Variants in OPA1 observed in about 807,000 individuals in gnomAD.
OPA1 encodes the protein dynamin-like GTPase OPA1, mitochondrial.
In OPA1, 59 loss-of-function variants were observed where a neutral mutation model predicts 152.9. The ratio of observed to expected loss-of-function variants is 0.39; its 90% CI spans 0.31 to 0.48. OPA1 has a LOEUF of 0.48. OPA1 is among the 20% of genes least tolerant of loss of function. The pLI is 0.96. For synonymous variants in OPA1, 400 were observed against 389.9 expected (o/e 1.03, Z -0.31); for missense variants, 1,008 against 1,216.8 (o/e 0.83, Z 2.55).
At chr3:193,692,897 C>T (rs955726478) in intron 30 of OPA1, among the ~76,000 whole-genome samples, 3 of 152,268 alleles carry the variant, frequency 2.0e-5, no homozygotes, top group African/African-American at 7.2e-5. Flanking sequence ...ACTGGGGCCA[C>T]AGGCTCATGC....
At chr3:193,612,420 C>T (rs1728397322) in intron 1 of OPA1, among the ~76,000 whole-genome samples, 1 of 152,030 alleles carries the variant, frequency 6.6e-6, no homozygotes, top group African/African-American at 2.4e-5. Context: ...TCTTCATGTC[C>T]TTGGTCTGTT....
chr3:193,634,151 G>T (rs918144482), intron 8 of OPA1, among the ~76,000 whole-genome samples: 12 of 151,930 alleles, frequency 7.9e-5, no homozygotes, highest in African/African-American at 2.7e-4. Context: ...TCTGCTGGTT[G>T]TAAGAATGGG....
intron 6 of OPA1, chr3:193,624,251 C>CT (rs1280979089): frequency 1.3e-5 from 2 of 152,118 alleles, no homozygotes; most frequent in African/African-American, 4.8e-5. Flanking sequence ...AGATTGAACT[C>CT]TTTGTTCTAC....
chr3:193,670,385 C>T (rs57235006), intron 29 of OPA1, among the ~76,000 whole-genome samples: 1 of 150,960 alleles, frequency 6.6e-6, no homozygotes, highest in Non-Finnish European at 1.5e-5. Context: ...ACTTCCCCCC[C>T]ACCTTTTTTT....
intron 1 of OPA1, among the ~76,000 whole-genome samples, chr3:193,600,355 A>G (rs1349186364): frequency 1.3e-5 from 2 of 152,232 alleles, no homozygotes; most frequent in Non-Finnish European, 2.9e-5. Context: ...GCAACTTTGT[A>G]CCAGCTAAAT....
chr3:193,667,498 G>T (rs1305705811), intron 29 of OPA1: 1 of 513,636 alleles, frequency 1.9e-6, no homozygotes, highest in East Asian at 4.5e-5. Flanking sequence ...GTGAAACCCC[G>T]TCTCTACTAA....
At chr3:193,610,036 C>T (rs943184478) in intron 1 of OPA1, among the ~76,000 whole-genome samples, 10 of 152,210 alleles carry the variant, frequency 6.6e-5, no homozygotes, top group African/African-American at 9.6e-5. Context: ...TCTCTCAGCT[C>T]GTCAAAGTCA....
intron 25 of OPA1, among the ~76,000 whole-genome samples, 172 bp downstream of exon 25, chr3:193,659,733 G>GA (rs1190017244): frequency 6.6e-6 from 1 of 152,046 alleles, no homozygotes; most frequent in African/African-American, 2.4e-5. Flanking sequence ...AACTACATAA[G>GA]AAAGTTTTTT....
intron 29 of OPA1, among the ~76,000 whole-genome samples, chr3:193,680,115 C>T (rs1483805912): frequency 6.6e-6 from 1 of 152,178 alleles, no homozygotes; most frequent in African/African-American, 2.4e-5. Context: ...GCTTTCATCT[C>T]ACCTAATTCA....
chr3:193,643,322 C>A, intron 13 of OPA1, 51 bp from the exon 14 acceptor site: 1 of 1,462,040 alleles, frequency 6.8e-7, no homozygotes, highest in South Asian at 1.1e-5. Context: ...AAATTCTTGA[C>A]AAATTCCCCC....
intron 21 of OPA1, among the ~76,000 whole-genome samples, chr3:193,649,198 A>T (rs1476225696): frequency 6.6e-6 from 1 of 152,180 alleles, no homozygotes; most frequent in Non-Finnish European, 1.5e-5. Flanking sequence ...AAATTGATTT[A>T]TAAAGGGAGT....
Position 193,658,990 on chromosome 3 carries a change from A to G in OPA1, c.2435A>G (p.Lys812Arg), listed in dbSNP as rs1577304745. The G allele has an allele frequency of 6.8e-6, 11 of 1,608,062 alleles. No individual in the cohort carries two copies. In the East Asian group the frequency reaches 2.5e-4, roughly 36 times the overall value. Residue 812 changes from lysine to arginine, a missense_variant, in exon 24 of 31, where the codon AAG (lysine) becomes AGG (arginine). By Grantham distance (26) the Lys-to-Arg change is conservative (BLOSUM62 2). This residue lies in a region of OPA1 where 229 missense variants were observed against 269.0 expected (regional missense o/e 0.85). Transcript: ENST00000361510. ...FMEEALQARL[K>R]DTENAIENMV... The stretch of plus-strand genomic sequence containing the variant: ...GAAGAGGCTCTGCAGGCTCGTCTCA[A>G]GGATAGTAAGTGGAGACACGGCTTA...
At chr3:193,694,383 ATTC>A (rs1163865131) in intron 30 of OPA1, among the ~76,000 whole-genome samples, 12 of 152,316 alleles carry the variant, frequency 7.9e-5, no homozygotes, top group Middle Eastern at 6.8e-3. Context: ...TCATACACAG[ATTC>A]TTCTTCAATT....
At chr3:193,630,543 T>G (rs998868391) in intron 7 of OPA1, among the ~76,000 whole-genome samples, 1 of 152,130 alleles carries the variant, frequency 6.6e-6, no homozygotes, top group Non-Finnish European at 1.5e-5. Flanking sequence ...CATTTAAAAA[T>G]TTTTCATGTA....
intron 9 of OPA1, among the ~76,000 whole-genome samples, chr3:193,636,356 T>C (rs1019719254): frequency 1.4e-4 from 9 of 64,528 alleles, no homozygotes; most frequent in African/African-American, 4.9e-4. Context: ...GTATTTTCTC[T>C]CATAAAATGC....
chr3:193,650,154 G>A (rs2109093366), intron 21 of OPA1, among the ~76,000 whole-genome samples: 1 of 152,302 alleles, frequency 6.6e-6, no homozygotes, highest in African/African-American at 2.4e-5. Flanking sequence ...ACTAAAGTGA[G>A]CCTTGAAGAT....
chr3:193,672,852 G>C (rs1266404494), intron 29 of OPA1, among the ~76,000 whole-genome samples: 2 of 129,244 alleles, frequency 1.5e-5, no homozygotes, highest in Non-Finnish European at 3.1e-5. Flanking sequence ...CTGGGTAACA[G>C]AGCGAGACTC....
At chr3:193,644,905 A>AT (rs1734314142) in intron 16 of OPA1, among the ~76,000 whole-genome samples, 2 of 152,174 alleles carry the variant, frequency 1.3e-5, no homozygotes, top group Non-Finnish European at 2.9e-5. Context: ...TTCTCATCCC[A>AT]TTATTAATCT....
intron 6 of OPA1, among the ~76,000 whole-genome samples, chr3:193,621,499 G>A (rs1015957644): frequency 2.0e-5 from 3 of 152,150 alleles, no homozygotes; most frequent in East Asian, 3.8e-4. Context: ...ATGCTGCACA[G>A]GCTAACGAAT....
Sources: allele counts gnomAD v4.1 joint callset (sites outside exome capture counted in the v4.1 genomes callset), GRCh38; gene constraint gnomAD v4.1.1; regional missense constraint gnomAD v4.1.1; transcripts MANE v1.5; gene names NCBI Gene and HGNC (gene_info 2026-07-23, HGNC 2026-07-21).